Variants in VEZT observed in about 807,000 individuals in gnomAD.
The protein encoded by VEZT is vezatin, adherens junctions transmembrane protein, also known as vezatin.
VEZT carries 39 observed loss-of-function variants against 79.9 expected under a neutral mutation model. The ratio of observed to expected loss-of-function variants is 0.49; its 90% CI spans 0.38 to 0.64. VEZT has a LOEUF of 0.64. Ranked by LOEUF, VEZT falls within the 30% of genes least tolerant of loss-of-function variation. The pLI is 0.00. For synonymous variants in VEZT, 325 were observed against 327.6 expected (o/e 0.99, Z 0.09); for missense variants, 837 against 893.1 (o/e 0.94, Z 0.80).
At chr12:95,270,248 A>G in intron 6 of VEZT, 60 bp downstream of exon 6, 20 of 1,483,500 alleles carry the variant, frequency 1.3e-5, no homozygotes, top group Non-Finnish European at 1.7e-5. Flanking sequence ...GAATATAGAT[A>G]TTATAGTTGT....
intron 2 of VEZT, 117 bp downstream of exon 2, chr12:95,252,188 C>A: frequency 2.7e-6 from 3 of 1,108,490 alleles, no homozygotes; most frequent in South Asian, 5.1e-5. Flanking sequence ...CTATTTATTT[C>A]ATCAATAGTA....
In VEZT at chr12:95,300,484, A is replaced by G. The variant is rs2075077194; in HGVS notation, c.2151A>G (p.Ser717=). 1 of 1,613,868 alleles carries G rather than the reference A, an allele frequency of 6.2e-7. No individual in the cohort carries two copies. Among genetic ancestry groups the G allele is most frequent in the Non-Finnish European group, 8.5e-7 (1 of 1,179,890 alleles). ...LTTAPPTPRD[S]LQPSIKQRLA... ...CTGCCCCTCCAACTCCCAGGGACTC[A>G]TTACAGCCCTCCATTAAGCAGAGGC... is the stretch of plus-strand genomic sequence containing the variant. The change falls in exon 12 of 12, where the codon TCA becomes TCG. Residue 717 remains serine (S), a synonymous_variant. Transcript: ENST00000436874.
chr12:95,217,960 C>A, intron 1 of VEZT, 74 bp downstream of exon 1: 1 of 1,407,576 alleles, frequency 7.1e-7, no homozygotes, highest in South Asian at 1.6e-5. Flanking sequence ...GGAAGCAAGG[C>A]GTTCCCGGGG....
chr12:95,290,507 T>C (rs534920101), intron 9 of VEZT, among the ~76,000 whole-genome samples: 48 of 152,294 alleles, frequency 3.2e-4, no homozygotes, highest in Non-Finnish European at 6.6e-4. Flanking sequence ...TGAATCTCAA[T>C]ACATTATGCC....
chr12:95,300,032 C>G (rs1407292400), intron 11 of VEZT, 133 bp from the exon 12 acceptor site: 3 of 500,756 alleles, frequency 6.0e-6, no homozygotes, highest in African/African-American at 6.0e-5. Flanking sequence ...ATTGATTTTA[C>G]TAGAAAGTTT....
intron 7 of VEZT, among the ~76,000 whole-genome samples, chr12:95,280,933 TA>T (rs143921755): frequency 0.12 from 17,668 of 150,330 alleles, 1,541 homozygotes; most frequent in African/African-American, 0.25. Context: ...TTGGTCACTT[TA>T]AAAAAAAAAT....
intron 5 of VEZT, among the ~76,000 whole-genome samples, chr12:95,268,493 G>A (rs565000681): frequency 1.1e-4 from 16 of 152,038 alleles, no homozygotes; most frequent in Non-Finnish European, 2.1e-4. Flanking sequence ...GCGAGACTCC[G>A]TTTCAAAAAC....
At chr12:95,248,110 C>A (rs1042864001) in intron 1 of VEZT, among the ~76,000 whole-genome samples, 8 of 152,270 alleles carry the variant, frequency 5.3e-5, no homozygotes, top group Admixed American at 1.3e-4. Context: ...TAAAACTGAT[C>A]TGTTACTAAT....
intron 1 of VEZT, among the ~76,000 whole-genome samples, chr12:95,241,578 G>C (rs1026152726): frequency 6.6e-6 from 1 of 152,130 alleles, no homozygotes; most frequent in Non-Finnish European, 1.5e-5. Flanking sequence ...AAAGTACTGG[G>C]ATTAAAGGAG....
Position 95,251,983 on chromosome 12 carries a change from A to G in VEZT, c.80A>G (p.Asp27Gly). ...YQYLQDLGHTDFEICSSLSPK... is the reference protein window; with the variant it reads ...YQYLQDLGHTGFEICSSLSPK... ...TACTTACAGGATCTGGGACACACAG[A>G]CTTTGAAATATGTTCTTCTTTGTCA... is the stretch of plus-strand genomic sequence containing the variant. The change falls in exon 2 of 12, where the codon GAC (aspartate) becomes GGC (glycine). Residue 27 changes from aspartate to glycine, a missense_variant. By Grantham distance (94) the Asp-to-Gly change is moderately conservative. Transcript: ENST00000436874. The G allele has an allele frequency of 2.5e-6, 4 of 1,612,968 alleles. No homozygotes were observed. The highest frequency in any genetic ancestry group is 3.4e-6 in the Non-Finnish European group (4 of 1,179,406).
At chr12:95,239,948 A>AAGAGAGAGAGAGAGAG (rs140000740) in intron 1 of VEZT, among the ~76,000 whole-genome samples, 1 of 119,878 alleles carries the variant, frequency 8.3e-6, no homozygotes, top group Admixed American at 9.1e-5. Context: ...GGAGACTCGA[A>AAGAGAGAGAGAGAGAG]AGAGAGAGAG....
At chr12:95,252,896 C>T (rs564999101) in intron 2 of VEZT, among the ~76,000 whole-genome samples, 42 of 152,166 alleles carry the variant, frequency 2.8e-4, no homozygotes, top group Non-Finnish European at 5.4e-4. Context: ...ACCTGAGAGG[C>T]GGAGGTGGCA....
intron 7 of VEZT, among the ~76,000 whole-genome samples, chr12:95,280,707 T>C (rs1157462611): frequency 6.6e-6 from 1 of 152,136 alleles, no homozygotes; most frequent in African/African-American, 2.4e-5. Flanking sequence ...TCCATCAGAG[T>C]GGGGACTCTT....
At position 95,300,189 on chromosome 12, in the gene VEZT, T is replaced by A; in HGVS notation, c.1856T>A (p.Val619Glu). 1 of 1,541,290 alleles carries A rather than the reference T, an allele frequency of 6.5e-7. No individual in the cohort carries two copies. Among genetic ancestry groups the A allele is most frequent in the Non-Finnish European group, 8.7e-7 (1 of 1,143,476 alleles). Residue 619 changes from valine (V) to glutamate (E), a missense_variant, in exon 12 of 12, where the codon GTA becomes GAA. Physicochemically the swap from Val to Glu is moderately radical, Grantham distance 121 (BLOSUM62 -2). Transcript: ENST00000436874. Reference sequence around the variant, plus strand: ...GCCGTGTTGAAATCCTTGTCTCCTGTAGACCCAGTGGAACCCATAAGTAAT... The same window carrying A: ...GCCGTGTTGAAATCCTTGTCTCCTGAAGACCCAGTGGAACCCATAAGTAAT... Reference protein sequence around the residue: ...DHAVLKSLSPVDPVEPISNSE... With the variant: ...DHAVLKSLSPEDPVEPISNSE...
At chr12:95,270,687 T>C (rs1366224697) in intron 6 of VEZT, among the ~76,000 whole-genome samples, 1 of 152,240 alleles carries the variant, frequency 6.6e-6, no homozygotes, top group Non-Finnish European at 1.5e-5. Flanking sequence ...GTGTTTAAAA[T>C]GGCAATAATA....
chr12:95,257,198 T>C lies in VEZT; in HGVS notation c.217T>C (p.Phe73Leu), dbSNP rs1462745169. Residue 73 changes from phenylalanine (F) to leucine (L), a missense_variant, in exon 3 of 12, where the codon TTT becomes CTT. Phe to Leu is a conservative substitution (Grantham distance 22). Coordinates refer to ENST00000436874, the MANE Select transcript of VEZT (RefSeq NM_017599.4). ...TGAAACCATCAAAAGTTGGATTTTT[T>C]TTTCTCAGTGCAATAAGAAAGATGA... ...VAETIKSWIF[F>L]SQCNKKDDLL... The C allele has an allele frequency of 6.2e-7, 1 of 1,611,646 alleles. No homozygotes were observed.
chr12:95,263,932 T>C (rs1566153642), intron 4 of VEZT: 1 of 151,948 alleles, frequency 6.6e-6, no homozygotes, highest in Non-Finnish European at 1.5e-5. Context: ...CAAGCAATAA[T>C]CTGTTAAAAG....
intron 7 of VEZT, chr12:95,275,883 A>G (rs369084041): frequency 6.6e-6 from 1 of 151,618 alleles, no homozygotes; most frequent in East Asian, 1.9e-4. Flanking sequence ...AAGAAAAAAC[A>G]AGAAAAGAAG....
chr12:95,292,926 C>G (rs1447426352), intron 9 of VEZT, among the ~76,000 whole-genome samples: 3 of 146,890 alleles, frequency 2.0e-5, no homozygotes, highest in African/African-American at 7.6e-5. Flanking sequence ...TCTTGGCTCA[C>G]TGCAACCTCC....
Sources: allele counts gnomAD v4.1 joint callset (sites outside exome capture counted in the v4.1 genomes callset), GRCh38; gene constraint gnomAD v4.1.1; transcripts MANE v1.5; gene names NCBI Gene and HGNC (gene_info 2026-07-23, HGNC 2026-07-21).